The following DOCK8 variants were observed in gnomAD, a reference collection of about 807,000 sequenced individuals.
DOCK8 encodes dedicator of cytokinesis 8.
In DOCK8, 141 loss-of-function variants were observed where a neutral mutation model predicts 245.6. That is an observed-to-expected ratio of 0.57 (90% CI 0.50 to 0.66). The LOEUF is 0.66. DOCK8 is among the 30% of genes least tolerant of loss of function. The pLI is 0.00. For synonymous variants in DOCK8, 1,168 were observed against 970.2 expected, an observed-to-expected ratio of 1.20 and a Z score of -3.79; for missense variants, 2,965 against 2,603.4, an observed-to-expected ratio of 1.14 and a Z score of -3.02.
intron 1 of DOCK8, among the ~76,000 whole-genome samples, chr9:270,961 C>A (rs1404077522): frequency 6.6e-6 from 1 of 152,152 alleles, no homozygotes; most frequent in African/African-American, 2.4e-5. Context: ...TATCACTGGC[C>A]AGCAGTCACA....
At position 225,706 on chromosome 9, in the gene DOCK8, T is replaced by A. The variant is rs533283366; in HGVS notation, c.53+10677T>A. Reference sequence around the variant, plus strand: ...TACCAGTGGGGAGACAATGAAGAAATAAACCACTAAATAAACAAGGAAACA... The same window carrying A: ...TACCAGTGGGGAGACAATGAAGAAAAAAACCACTAAATAAACAAGGAAACA... On this transcript the variant is annotated intron_variant, in intron 1 of 47. Coordinates refer to ENST00000432829, the MANE Select transcript of DOCK8 (RefSeq NM_203447.4). 2.0e-5 allele frequency among the ~76,000 whole-genome samples: 3 copies of A among 152,120 alleles called. No homozygotes were observed. In the South Asian group the frequency reaches 6.2e-4, roughly 32 times the overall value.
At chr9:396,709 G>C in intron 24 of DOCK8, 76 bp from the exon 25 acceptor site, 1 of 1,585,674 alleles carries the variant, frequency 6.3e-7, no homozygotes, top group Non-Finnish European at 8.7e-7. Context: ...ATTTCTGTGA[G>C]TCTTTCCCCC....
At chr9:281,641 C>CCGTGTGTGTG (rs370850198) in intron 2 of DOCK8, among the ~76,000 whole-genome samples, 12 of 150,796 alleles carry the variant, frequency 8.0e-5, no homozygotes, top group African/African-American at 2.9e-4. Context: ...GTTTGTGTGC[C>CCGTGTGTGTG]TGTGTGTGTG....
In DOCK8 at chr9:215,024, C is replaced by A. The variant is rs1316350320; in HGVS notation, c.48C>A (p.Ile16=). The A allele has an allele frequency of 6.3e-7, 1 of 1,587,374 alleles. No homozygotes were observed. The highest frequency in any genetic ancestry group is 8.5e-7 in the Non-Finnish European group (1 of 1,173,104). Reference sequence around the variant, plus strand: ...AGCGCCGCGCGTTCGCGCTCAAGATCAACAGGTAAGACGCCCCCCGCGGCG... The same window carrying A: ...AGCGCCGCGCGTTCGCGCTCAAGATAAACAGGTAAGACGCCCCCCGCGGCG... ...SAERRAFALK[I]NRYSSAEIRK... Residue 16 remains isoleucine (I), a synonymous_variant, in exon 1 of 48, where the codon ATC becomes ATA. Coordinates refer to ENST00000432829, the MANE Select transcript of DOCK8 (RefSeq NM_203447.4).
In DOCK8 at chr9:415,709, C is replaced by CACACACACACAA. The variant is rs1408285962; in HGVS notation, c.3700+759_3700+760insCACACACACAAA. On this transcript the variant is annotated intron_variant, in intron 29 of 47. Coordinates refer to ENST00000432829, the MANE Select transcript of DOCK8 (RefSeq NM_203447.4). Reference sequence around the variant, plus strand: ...GCGCGCGTGCACACACACACACACACAATTCCTATCCCATCAGAGTAGTTC... The same window carrying CACACACACACAA: ...GCGCGCGTGCACACACACACACACACACACACACACAAAATTCCTATCCCATCAGAGTAGTTC... Among the ~76,000 whole-genome samples the CACACACACACAA allele has an allele frequency of 4.6e-5, 7 of 152,146 alleles. No individual in the cohort carries two copies. The East Asian group carries it at 7.7e-4, about 17-fold the overall frequency.
intron 2 of DOCK8, among the ~76,000 whole-genome samples, chr9:275,092 C>G (rs2048290851): frequency 6.6e-6 from 1 of 152,226 alleles, no homozygotes; most frequent in Non-Finnish European, 1.5e-5. Context: ...TGACAAGCCA[C>G]TTAATCTCTC....
At position 457,532 on chromosome 9, in the gene DOCK8, G is replaced by A. The variant is rs552534061; in HGVS notation, c.6068+5415G>A. On this transcript the variant is annotated intron_variant, in intron 46 of 47. Transcript: ENST00000432829. ...TACGGAGATTGTCTATCCATGATTTGTCTGTCTCTATAAAGTTTGAATCAT... is the reference window on the plus strand; with the variant it reads ...TACGGAGATTGTCTATCCATGATTTATCTGTCTCTATAAAGTTTGAATCAT... Among the ~76,000 whole-genome samples, 23 of 152,280 alleles carry A rather than the reference G, an allele frequency of 1.5e-4. No homozygotes were observed. In the East Asian group the frequency reaches 3.5e-3, roughly 23 times the overall value.
chr9:232,277 G>A (rs2047134595), intron 1 of DOCK8, among the ~76,000 whole-genome samples: 1 of 152,150 alleles, frequency 6.6e-6, no homozygotes, highest in Non-Finnish European at 1.5e-5. Flanking sequence ...GCTTTTTGAT[G>A]TGCTGCTGGA....
intron 29 of DOCK8, among the ~76,000 whole-genome samples, chr9:416,162 A>G (rs2131610527): frequency 6.6e-6 from 1 of 152,326 alleles, no homozygotes; most frequent in South Asian, 2.1e-4. Flanking sequence ...GAAATGATAG[A>G]AACAAGCTCA....
chr9:215,119 G>A, intron 1 of DOCK8, 90 bp downstream of exon 1: 1 of 1,487,384 alleles, frequency 6.7e-7, no homozygotes, highest in Non-Finnish European at 8.9e-7. Flanking sequence ...GAGGCCGGAC[G>A]AGTCCATTCG....
chr9:399,310 C>A, intron 26 of DOCK8, 51 bp downstream of exon 26: 1 of 1,214,678 alleles, frequency 8.2e-7, no homozygotes, highest in Non-Finnish European at 1.1e-6. Flanking sequence ...GGTTCCTTCT[C>A]ATATAATGTG....
At chr9:338,678 G>C (rs775574074) in intron 12 of DOCK8, among the ~76,000 whole-genome samples, 1 of 152,100 alleles carries the variant, frequency 6.6e-6, no homozygotes, top group Admixed American at 6.5e-5. Context: ...GTATTGTTCC[G>C]GGGGGTAATA....
At chr9:225,022 G>A (rs997267525) in intron 1 of DOCK8, among the ~76,000 whole-genome samples, 1 of 152,132 alleles carries the variant, frequency 6.6e-6, no homozygotes, top group Admixed American at 6.5e-5. Flanking sequence ...CTTAGATGGG[G>A]TATCCAATTT....
chr9:230,693 T>C (rs2047094575), intron 1 of DOCK8, among the ~76,000 whole-genome samples: 1 of 151,464 alleles, frequency 6.6e-6, no homozygotes, highest in Non-Finnish European at 1.5e-5. Flanking sequence ...GCTGCATAAA[T>C]GTCTTCTTTT....
chr9:422,208 C>A (rs898775700), intron 33 of DOCK8, 73 bp downstream of exon 33: 2 of 1,182,546 alleles, frequency 1.7e-6, no homozygotes, highest in African/African-American at 1.5e-5. Flanking sequence ...GCTTGTATTA[C>A]TGAAACAACT....
Position 334,294 on chromosome 9 carries a change from A to G in DOCK8, c.1195A>G (p.Met399Val). The change falls in exon 11 of 48, where the codon ATG (methionine) becomes GTG (valine). Residue 399 changes from methionine to valine, a missense_variant. Around this residue, in one of 3 missense-constraint regions of DOCK8, gnomAD observed 2,825 missense variants for 2,453.5 expected, o/e 1.15. Coordinates refer to ENST00000432829, the MANE Select transcript of DOCK8 (RefSeq NM_203447.4). Reference sequence around the variant, plus strand: ...CTGCCAGCGTTTGGGGAAATACCGGATGCCCTTTGCCTGGGCACCCATAAG... The same window carrying G: ...CTGCCAGCGTTTGGGGAAATACCGGGTGCCCTTTGCCTGGGCACCCATAAG... ...SFCQRLGKYR[M>V]PFAWAPISLS... 1 of 1,614,172 alleles carries G rather than the reference A, an allele frequency of 6.2e-7. No homozygotes were observed. Among genetic ancestry groups the G allele is most frequent in the Non-Finnish European group, 8.5e-7 (1 of 1,180,004 alleles).
intron 4 of DOCK8, among the ~76,000 whole-genome samples, chr9:294,546 C>T (rs1490882012): frequency 6.6e-6 from 1 of 152,206 alleles, no homozygotes; most frequent in Non-Finnish European, 1.5e-5. Context: ...ACCAAGTTTC[C>T]TTTCCTTATG....
intron 24 of DOCK8, among the ~76,000 whole-genome samples, chr9:395,056 T>G (rs1022813279): frequency 5.9e-5 from 9 of 152,196 alleles, no homozygotes; most frequent in Admixed American, 3.9e-4. Context: ...AGGCCTTATC[T>G]TCTTAAGTCC....
intron 25 of DOCK8, among the ~76,000 whole-genome samples, chr9:398,302 G>A (rs916635502): frequency 6.6e-6 from 1 of 152,198 alleles, no homozygotes; most frequent in African/African-American, 2.4e-5. Flanking sequence ...CCTCTCAGCG[G>A]CACGGTAGCA....
Sources: allele counts gnomAD v4.1 joint callset (sites outside exome capture counted in the v4.1 genomes callset), GRCh38; gene constraint gnomAD v4.1.1; regional missense constraint gnomAD v4.1.1; transcripts MANE v1.5; gene names NCBI Gene and HGNC (gene_info 2026-07-23, HGNC 2026-07-21).